The following OPCML variants were observed in gnomAD, a reference collection of about 807,000 sequenced individuals.
The protein encoded by OPCML is opioid binding protein/cell adhesion molecule like, also known as opioid-binding protein/cell adhesion molecule.
In OPCML, 13 loss-of-function variants were observed where a neutral mutation model predicts 37.8. The observed-to-expected ratio is 0.34, with a 90% CI of 0.22 to 0.55. The LOEUF is 0.55. OPCML is among the 20% of genes least tolerant of loss of function. The pLI, the probability that OPCML is intolerant of heterozygous loss-of-function variation, is 0.91. For missense variants in OPCML, 341 were observed against 435.6 expected (o/e 0.78, Z 1.93); for synonymous variants, 176 against 168.8 (o/e 1.04, Z -0.33).
chr11:132,950,006 G>A (rs142885598), intron 1 of OPCML, among the ~76,000 whole-genome samples: 92 of 152,302 alleles, frequency 6.0e-4, no homozygotes, highest in African/African-American at 2.1e-3. Context: ...GTGAAGGTTG[G>A]AGCTGAGCAA....
chr11:133,005,089 T>C (rs1266156471), intron 1 of OPCML: 2 of 985,236 alleles, frequency 2.0e-6, no homozygotes, highest in Non-Finnish European at 2.4e-6. Context: ...GACTCCTTCA[T>C]GGCTTCCCAT....
chr11:133,087,097 G>A (rs373112737), intron 1 of OPCML, among the ~76,000 whole-genome samples: 7 of 152,292 alleles, frequency 4.6e-5, no homozygotes, highest in Admixed American at 1.3e-4. Context: ...AACAGACGAC[G>A]AACTTAAGAC....
intron 2 of OPCML, among the ~76,000 whole-genome samples, chr11:132,933,145 C>T (rs1945265086): frequency 6.6e-6 from 1 of 152,124 alleles, no homozygotes; most frequent in African/African-American, 2.4e-5. Context: ...TCAGGGACCT[C>T]ATAGTGAGAT....
chr11:133,139,398 T>C (rs1164247879), intron 1 of OPCML, among the ~76,000 whole-genome samples: 1 of 152,212 alleles, frequency 6.6e-6, no homozygotes, highest in Non-Finnish European at 1.5e-5. Context: ...TATCCCCACT[T>C]TACAGGTGAA....
intron 1 of OPCML, among the ~76,000 whole-genome samples, chr11:133,178,215 G>C (rs1937642915): frequency 6.6e-6 from 1 of 152,104 alleles, no homozygotes; most frequent in Non-Finnish European, 1.5e-5. Context: ...TGACAAAGAG[G>C]TGTTAGAAAC....
intron 3 of OPCML, among the ~76,000 whole-genome samples, chr11:132,626,456 A>G (rs1939743411): frequency 6.6e-6 from 1 of 152,186 alleles, no homozygotes; most frequent in Non-Finnish European, 1.5e-5. Flanking sequence ...AAGGATTTTA[A>G]GTTGGGAAAG....
intron 1 of OPCML, among the ~76,000 whole-genome samples, chr11:133,048,342 C>T (rs777350618): frequency 5.3e-5 from 8 of 151,954 alleles, no homozygotes; most frequent in African/African-American, 1.2e-4. Context: ...TACAAGCAGA[C>T]GGACTAGAGA....
chr11:132,677,674 T>C (rs1942767860), intron 2 of OPCML, among the ~76,000 whole-genome samples: 1 of 151,948 alleles, frequency 6.6e-6, no homozygotes, highest in Non-Finnish European at 1.5e-5. Flanking sequence ...TTTCAACAAA[T>C]GCAACTGGTA....
intron 2 of OPCML, among the ~76,000 whole-genome samples, chr11:132,850,516 G>GGTGTGTGTGTGT (rs66934308): frequency 5.4e-5 from 8 of 148,122 alleles, no homozygotes; most frequent in African/African-American, 1.7e-4. Flanking sequence ...CTGTGGAAAG[G>GGTGTGTGTGTGT]GTGTGTGTGT....
chr11:133,117,852 T>A, intron 1 of OPCML: 1 of 981,964 alleles, frequency 1.0e-6, no homozygotes, highest in Admixed American at 6.1e-5. Context: ...AATAACTGAT[T>A]CTAAAAGTAT....
intron 1 of OPCML, among the ~76,000 whole-genome samples, chr11:133,312,984 A>T (rs1364965628): frequency 1.3e-5 from 2 of 152,248 alleles, no homozygotes; most frequent in Non-Finnish European, 2.9e-5. Flanking sequence ...ACATAAATGA[A>T]TCAATAAATG....
chr11:132,960,099 C>T (rs985686798), intron 1 of OPCML, among the ~76,000 whole-genome samples: 7 of 152,278 alleles, frequency 4.6e-5, no homozygotes, highest in African/African-American at 1.7e-4. Flanking sequence ...TTAAAATTTA[C>T]TACTCCTACT....
chr11:133,423,645 T>A (rs1023245484), intron 1 of OPCML, among the ~76,000 whole-genome samples: 1 of 152,146 alleles, frequency 6.6e-6, no homozygotes, highest in African/African-American at 2.4e-5. Context: ...GAATTCTCAG[T>A]GTTATTTGTG....
At chr11:133,027,413 G>A (rs1355824176) in intron 1 of OPCML, among the ~76,000 whole-genome samples, 2 of 152,002 alleles carry the variant, frequency 1.3e-5, no homozygotes, top group African/African-American at 4.8e-5. Flanking sequence ...GCTAGTTAAA[G>A]CAAAAATAAA....
intron 1 of OPCML, among the ~76,000 whole-genome samples, chr11:133,363,703 G>A (rs1460327155): frequency 6.6e-6 from 1 of 152,162 alleles, no homozygotes; most frequent in Non-Finnish European, 1.5e-5. Context: ...CCAAAGCGCA[G>A]AAAGAAAAGG....
intron 1 of OPCML, among the ~76,000 whole-genome samples, chr11:133,233,099 A>G (rs1347514192): frequency 6.6e-6 from 1 of 152,174 alleles, no homozygotes; most frequent in East Asian, 1.9e-4. Flanking sequence ...TATCCTGGAC[A>G]TGTAGCAGCT....
At chr11:133,227,521 C>T (rs1221379076) in intron 1 of OPCML, among the ~76,000 whole-genome samples, 1 of 152,122 alleles carries the variant, frequency 6.6e-6, no homozygotes, top group African/African-American at 2.4e-5. Context: ...GTGATTTCCT[C>T]CTGGGAGAGG....
Position 133,208,837 on chromosome 11 carries a change from T to G in OPCML, c.62-265827A>C, listed in dbSNP as rs772691097. Among the ~76,000 whole-genome samples the G allele has an allele frequency of 7.9e-5, 12 of 152,178 alleles. No homozygotes were observed. Among genetic ancestry groups the G allele is most frequent in the Non-Finnish European group, 1.5e-4 (10 of 68,036 alleles). On this transcript the variant is annotated intron_variant, in intron 1 of 7. Coordinates refer to ENST00000524381, the MANE Select transcript of OPCML (RefSeq NM_001012393.5). This position sits in a 1 kb window ranked among gnomAD's most constrained non-coding sequence, Gnocchi z 8.9. ...AGACTTCATTCCCTATAAATCACGC[T>G]ATTCCATGACTACCTATTCTAACTG...
At chr11:133,064,017 T>A (rs934003114) in intron 1 of OPCML, among the ~76,000 whole-genome samples, 1 of 144,432 alleles carries the variant, frequency 6.9e-6, no homozygotes, top group Non-Finnish European at 1.5e-5. Flanking sequence ...TGGCTTTAAT[T>A]TTCTTTCTTT....
Sources: allele counts gnomAD v4.1 joint callset (sites outside exome capture counted in the v4.1 genomes callset), GRCh38; gene constraint gnomAD v4.1.1; non-coding constraint Gnocchi (gnomAD v3.1); transcripts MANE v1.5; gene names NCBI Gene and HGNC (gene_info 2026-07-23, HGNC 2026-07-21).